CALN1: variants seen among roughly 807,000 people sequenced by gnomAD.
The protein encoded by CALN1 is calcium-binding protein 8.
Under a neutral mutation model 30.6 loss-of-function variants are expected in CALN1, and 17 were observed. That is an observed-to-expected ratio of 0.56 (90% CI 0.38 to 0.83). The LOEUF (loss-of-function observed/expected upper bound fraction) is 0.83. CALN1 is among the 40% of genes least tolerant of loss of function. The pLI, the probability that CALN1 is intolerant of heterozygous loss-of-function variation, is 0.00. For missense variants in CALN1, 291 were observed against 354.9 expected (o/e 0.82, Z 1.45); for synonymous variants, 156 against 131.4 (o/e 1.19, Z -1.28).
intron 3 of CALN1, among the ~76,000 whole-genome samples, chr7:72,258,169 G>A (rs1796038820): frequency 6.6e-6 from 1 of 152,052 alleles, no homozygotes; most frequent in South Asian, 2.1e-4. Context: ...AAACATCCAG[G>A]ATTTGACCCA....
intron 5 of CALN1, among the ~76,000 whole-genome samples, chr7:71,886,731 C>G (rs1792930173): frequency 6.7e-6 from 1 of 150,292 alleles, no homozygotes; most frequent in South Asian, 2.1e-4. Context: ...AGAGATCGCA[C>G]CACTGCACTC....
intron 2 of CALN1, among the ~76,000 whole-genome samples, chr7:72,343,333 G>A (rs909165570): frequency 3.3e-5 from 5 of 152,078 alleles, no homozygotes; most frequent in African/African-American, 1.2e-4. Flanking sequence ...GATCACTTGA[G>A]GTCAGGACTT....
intron 6 of CALN1, among the ~76,000 whole-genome samples, chr7:71,799,763 G>A (rs1000685778): frequency 6.6e-5 from 10 of 152,062 alleles, no homozygotes; most frequent in African/African-American, 2.2e-4. Context: ...GGCATGAGCC[G>A]CCGCGCCCAG....
At chr7:72,295,726 T>G (rs1484650195) in intron 2 of CALN1, among the ~76,000 whole-genome samples, 5 of 151,190 alleles carry the variant, frequency 3.3e-5, no homozygotes, top group African/African-American at 4.9e-5. Flanking sequence ...ATCCTGAGAC[T>G]TTGCTGCAGT....
At chr7:72,018,073 C>T (rs1026691064) in intron 5 of CALN1, among the ~76,000 whole-genome samples, 5 of 151,902 alleles carry the variant, frequency 3.3e-5, no homozygotes, top group Non-Finnish European at 5.9e-5. Flanking sequence ...CACGGTTGCA[C>T]GGGGCTTGAG....
chr7:71,863,557 C>CAAAAA (rs71531769), intron 5 of CALN1, among the ~76,000 whole-genome samples: 7 of 32,202 alleles, frequency 2.2e-4, no homozygotes, highest in African/African-American at 4.0e-4. Flanking sequence ...AACTCCATCT[C>CAAAAA]AAAAAAAAAA....
At chr7:71,956,225 C>T (rs969438484) in intron 5 of CALN1, among the ~76,000 whole-genome samples, 8 of 151,870 alleles carry the variant, frequency 5.3e-5, no homozygotes, top group African/African-American at 1.5e-4. Flanking sequence ...TGACCTCAAG[C>T]GATCCTCACT....
intron 2 of CALN1, among the ~76,000 whole-genome samples, chr7:72,361,572 G>A (rs1803570288): frequency 6.6e-6 from 1 of 152,144 alleles, no homozygotes; most frequent in Admixed American, 6.6e-5. Context: ...ACATGTAAAT[G>A]TTTTATAAAA....
At chr7:72,076,649 C>CAAAAAAAAAAAAAAAAAAAAA (rs1224166514) in intron 4 of CALN1, among the ~76,000 whole-genome samples, 2 of 47,862 alleles carry the variant, frequency 4.2e-5, no homozygotes, top group South Asian at 7.0e-4. Context: ...AAAAAAAAAG[C>CAAAAAAAAAAAAAAAAAAAAA]AAAGACATGC....
At chr7:72,247,978 C>T (rs1795305932) in intron 3 of CALN1, among the ~76,000 whole-genome samples, 1 of 152,310 alleles carries the variant, frequency 6.6e-6, no homozygotes, top group Non-Finnish European at 1.5e-5. Context: ...GCCTGAGCAA[C>T]ACAGTGAGGC....
chr7:72,375,423 A>G (rs543491915), intron 2 of CALN1, among the ~76,000 whole-genome samples: 1 of 152,020 alleles, frequency 6.6e-6, no homozygotes, highest in Admixed American at 6.6e-5. Context: ...AGATTAGTCA[A>G]GTGTGGTGGT....
chr7:72,502,498 T>C, the CALN1 span, among the ~76,000 whole-genome samples: 805 of 151,756 alleles, frequency 5.3e-3, 24 homozygotes, highest in East Asian at 0.064. Flanking sequence ...TTAAATAGAC[T>C]TCCCCATCTG....
At chr7:72,143,882 A>G (rs1039735330) in intron 3 of CALN1, among the ~76,000 whole-genome samples, 3 of 151,570 alleles carry the variant, frequency 2.0e-5, no homozygotes, top group Admixed American at 6.6e-5. Flanking sequence ...ACTAAGCTTC[A>G]TAAGTGAAGG....
Position 72,412,337 on chromosome 7 carries a change from TC to T in CALN1, c.-354del, listed in dbSNP as rs1473202659. ...CAAGCGGATAGCACCCCAGCGAGCT[TC>T]CCCAGCGGGCTCGGGGAGCCAGCTT... On this transcript the variant is annotated 5_prime_UTR_variant, in exon 1 of 7. Coordinates refer to ENST00000395275, the MANE Select transcript of CALN1 (RefSeq NM_031468.4). 6.6e-6 allele frequency: 1 copy of T among 151,826 alleles called. No homozygotes were observed. The highest frequency in any genetic ancestry group is 1.5e-5 in the Non-Finnish European group (1 of 68,020). 9.4% of individuals were successfully genotyped at this position (151,826 alleles called of 1,614,324 possible). A position where few individuals can be genotyped will look rare whatever the true frequency, so the allele number is the denominator to read the frequency against.
chr7:72,140,588 C>A (rs1233020020), intron 3 of CALN1, among the ~76,000 whole-genome samples: 1 of 152,236 alleles, frequency 6.6e-6, no homozygotes, highest in Non-Finnish European at 1.5e-5. Context: ...ACACCCCAAC[C>A]TTGGCAGGCA....
At chr7:72,017,983 G>A (rs1035598656) in intron 5 of CALN1, among the ~76,000 whole-genome samples, 11 of 152,108 alleles carry the variant, frequency 7.2e-5, no homozygotes, top group African/African-American at 2.7e-4. Flanking sequence ...TGGCCCCCAG[G>A]ACTGGCAGAC....
intron 3 of CALN1, among the ~76,000 whole-genome samples, chr7:72,229,556 G>C (rs1045840362): frequency 3.9e-5 from 6 of 152,118 alleles, no homozygotes; most frequent in South Asian, 2.1e-4. Context: ...TGATAAACTG[G>C]AAACAGAAAA....
chr7:71,820,069 A>T (rs1373348346), intron 5 of CALN1, among the ~76,000 whole-genome samples: 1 of 152,246 alleles, frequency 6.6e-6, no homozygotes, highest in Non-Finnish European at 1.5e-5. Flanking sequence ...ATTAAAACAG[A>T]GTAAGACTGA....
intron 3 of CALN1, among the ~76,000 whole-genome samples, chr7:72,184,919 G>A (rs1790073679): frequency 6.6e-6 from 1 of 151,946 alleles, no homozygotes; most frequent in African/African-American, 2.4e-5. Flanking sequence ...AGCCTCTTGA[G>A]TAGCTGGGAC....
Sources: gnomAD v4.1 joint callset for allele counts (sites outside exome capture counted in the v4.1 genomes callset) on GRCh38, gnomAD v4.1.1 for gene constraint, MANE v1.5 for transcripts, NCBI Gene and HGNC (gene_info 2026-07-23, HGNC 2026-07-21) for gene names.